PVT1: variants seen among roughly 807,000 people sequenced by gnomAD.
PVT1 encodes CXCR4/PVT1 fusion.
chr8:128,022,893 G>A (rs866767623), intron 4 of PVT1, among the ~76,000 whole-genome samples: 15 of 144,360 alleles, frequency 1.0e-4, no homozygotes, highest in African/African-American at 3.6e-4. Flanking sequence ...TTAAGACAGA[G>A]TCCCGCTCTG....
rs72720878 is a variant in PVT1 at position 128,023,500 on chromosome 8, T to C, written n.912+34209T>C. ...TGGGAAACTCAGTAATAACTATTACTATTACAATAGTAATAACTATTGGAT... is the reference window on the plus strand; with the variant it reads ...TGGGAAACTCAGTAATAACTATTACCATTACAATAGTAATAACTATTGGAT... On this transcript the variant is annotated intron_variant and non_coding_transcript_variant, in intron 4 of 10. Coordinates refer to ENST00000651587, the Ensembl canonical transcript of PVT1. Among the ~76,000 whole-genome samples, 883 of 152,358 alleles carry C rather than the reference T, an allele frequency of 5.8e-3. 16 individuals are homozygous for C. The East Asian group carries it at 0.077, about 13-fold the overall frequency.
chr8:128,042,979 G>C (rs1813564158), intron 4 of PVT1, among the ~76,000 whole-genome samples: 4 of 151,934 alleles, frequency 2.6e-5, no homozygotes, highest in Admixed American at 1.3e-4. Context: ...GGCCAGGCTG[G>C]TCTCGAACTC....
At chr8:128,022,442 G>A (rs1315984764) in intron 4 of PVT1, among the ~76,000 whole-genome samples, 2 of 152,188 alleles carry the variant, frequency 1.3e-5, no homozygotes, top group African/African-American at 4.8e-5. Context: ...GGTGAGGATA[G>A]CTTCTGTTGG....
At chr8:128,047,064 C>T (rs927574313) in intron 4 of PVT1, among the ~76,000 whole-genome samples, 6 of 152,220 alleles carry the variant, frequency 3.9e-5, no homozygotes, top group African/African-American at 1.4e-4. Context: ...TATCTTTTGA[C>T]TATCCAAAGG....
intron 2 of PVT1, among the ~76,000 whole-genome samples, chr8:127,847,878 G>T (rs1224730980): frequency 6.6e-6 from 1 of 152,084 alleles, no homozygotes; most frequent in African/African-American, 2.4e-5. Flanking sequence ...GGGAGACTGG[G>T]TTAGGGAGGA....
At chr8:128,079,800 C>T (rs1211196264) in intron 5 of PVT1, among the ~76,000 whole-genome samples, 6 of 151,722 alleles carry the variant, frequency 4.0e-5, no homozygotes, top group African/African-American at 7.3e-5. Context: ...TCTCGGCTCA[C>T]TGCCAGCTCC....
At chr8:127,878,166 C>T (rs1015275657) in intron 2 of PVT1, among the ~76,000 whole-genome samples, 2 of 151,184 alleles carry the variant, frequency 1.3e-5, no homozygotes, top group Admixed American at 1.3e-4. Context: ...TGGGCATAGT[C>T]AAACAAAAGG....
intron 4 of PVT1, among the ~76,000 whole-genome samples, chr8:127,997,763 T>C (rs1237820562): frequency 1.3e-5 from 2 of 152,240 alleles, no homozygotes; most frequent in African/African-American, 4.8e-5. Flanking sequence ...TATTGATACA[T>C]TATTATTTAC....
intron 3 of PVT1, among the ~76,000 whole-genome samples, chr8:127,903,334 C>T (rs1815781583): frequency 6.6e-6 from 1 of 152,174 alleles, no homozygotes; most frequent in Non-Finnish European, 1.5e-5. Flanking sequence ...GATATTGGAA[C>T]TTTGTCAAAT....
intron 2 of PVT1, among the ~76,000 whole-genome samples, chr8:127,859,944 C>T (rs1013934034): frequency 1.3e-5 from 2 of 152,030 alleles, no homozygotes; most frequent in Admixed American, 6.5e-5. Flanking sequence ...TCCCTCCTTT[C>T]GTGTGTCATC....
chr8:127,905,885 T>A (rs1815814169), intron 3 of PVT1, among the ~76,000 whole-genome samples: 1 of 152,238 alleles, frequency 6.6e-6, no homozygotes, highest in Admixed American at 6.5e-5. Context: ...GCTTTGCCAT[T>A]TGCAGCTGTG....
At chr8:127,998,873 CTCTT>C (rs1456201805) in intron 4 of PVT1, among the ~76,000 whole-genome samples, 2 of 146,768 alleles carry the variant, frequency 1.4e-5, no homozygotes, top group African/African-American at 5.0e-5. Context: ...CTCTCTCTCT[CTCTT>C]TTTTTGGTGC....
chr8:128,001,862 C>G (rs1239453107), intron 4 of PVT1, among the ~76,000 whole-genome samples: 1 of 152,156 alleles, frequency 6.6e-6, no homozygotes, highest in Non-Finnish European at 1.5e-5. Context: ...TCTGGAGCCT[C>G]TTTTGTCAAG....
intron 3 of PVT1, among the ~76,000 whole-genome samples, chr8:127,911,703 C>CA (rs1447016286): frequency 1.3e-5 from 2 of 152,242 alleles, no homozygotes; most frequent in African/African-American, 4.8e-5. Context: ...CTAGGGCTTA[C>CA]ACCAGCTGTG....
intron 4 of PVT1, among the ~76,000 whole-genome samples, chr8:128,038,581 C>T (rs926564480): frequency 6.6e-6 from 1 of 152,166 alleles, no homozygotes; most frequent in African/African-American, 2.4e-5. Context: ...TCACCCATAT[C>T]CCAGCCCTGC....
chr8:127,830,891 T>C (rs1031563116), intron 2 of PVT1, among the ~76,000 whole-genome samples: 1 of 152,180 alleles, frequency 6.6e-6, no homozygotes, highest in African/African-American at 2.4e-5. Flanking sequence ...TCTCCCATAC[T>C]GGATGCTTCC....
intron 3 of PVT1, among the ~76,000 whole-genome samples, chr8:127,913,660 G>A (rs1815938692): frequency 6.6e-6 from 1 of 152,090 alleles, no homozygotes; most frequent in South Asian, 2.1e-4. Flanking sequence ...CTCCCCGACT[G>A]TGCACATTTC....
At chr8:127,885,352 G>C (rs932796459) in intron 2 of PVT1, among the ~76,000 whole-genome samples, 8 of 152,122 alleles carry the variant, frequency 5.3e-5, no homozygotes, top group African/African-American at 1.9e-4. Flanking sequence ...ATTCAGGCTG[G>C]TATAACAAAC....
intron 3 of PVT1, among the ~76,000 whole-genome samples, chr8:127,893,273 T>C (rs974921904): frequency 1.3e-5 from 2 of 152,102 alleles, no homozygotes; most frequent in African/African-American, 4.8e-5. Flanking sequence ...TTTTGTTTTG[T>C]TTTGTTTTTG....
Sources: gnomAD v4.1 joint callset for allele counts (sites outside exome capture counted in the v4.1 genomes callset) on GRCh38, gnomAD v4.1.1 for gene constraint, MANE v1.5 for transcripts, NCBI Gene and HGNC (gene_info 2026-07-23, HGNC 2026-07-21) for gene names.